BBS9: variants seen among roughly 807,000 people sequenced by gnomAD.
BBS9 encodes protein PTHB1.
BBS9 carries 89 observed loss-of-function variants against 117.7 expected under a neutral mutation model. The ratio of observed to expected loss-of-function variants is 0.76; its 90% confidence interval spans 0.64 to 0.90. BBS9 has a LOEUF of 0.90. BBS9 is among the 40% of genes least tolerant of loss of function. The pLI is 0.00. For missense variants in BBS9, 982 were observed against 1,042.2 expected (o/e 0.94, Z 0.80); for synonymous variants, 379 against 370.9 (o/e 1.02, Z -0.25).
chr7:33,631,367 T>C (rs994130612), intron 21 of BBS9, among the ~76,000 whole-genome samples: 1 of 152,166 alleles, frequency 6.6e-6, no homozygotes, highest in African/African-American at 2.4e-5. Flanking sequence ...CCCTCAAGGC[T>C]CAGCTCTAGT....
chr7:33,398,958 G>A (rs529804527), intron 19 of BBS9, among the ~76,000 whole-genome samples: 6 of 152,270 alleles, frequency 3.9e-5, no homozygotes, highest in South Asian at 2.1e-4. Flanking sequence ...GATTACAGGC[G>A]TGAGCCACTG....
At chr7:33,228,061 C>T (rs1791632312) in intron 5 of BBS9, among the ~76,000 whole-genome samples, 1 of 152,248 alleles carries the variant, frequency 6.6e-6, no homozygotes, top group African/African-American at 2.4e-5. Flanking sequence ...ATACTGTTTT[C>T]CATAGTGGTT....
At chr7:33,531,890 C>T (rs191989223) in intron 20 of BBS9, among the ~76,000 whole-genome samples, 7 of 152,350 alleles carry the variant, frequency 4.6e-5, no homozygotes, top group Admixed American at 2.0e-4. Context: ...AAAACCCCCA[C>T]GAGACTAGAC....
downstream of BBS9, among the ~76,000 whole-genome samples, chr7:33,610,432 C>T (rs573389182): frequency 1.1e-4 from 17 of 152,224 alleles, no homozygotes; most frequent in African/African-American, 4.1e-4. Context: ...GTCCAACTCC[C>T]ACTTCCAAGA....
intron 21 of BBS9, among the ~76,000 whole-genome samples, chr7:33,577,375 T>G (rs1274658231): frequency 1.3e-5 from 2 of 152,206 alleles, no homozygotes; most frequent in Non-Finnish European, 2.9e-5. Context: ...CCAGTTAGAA[T>G]GGCGATCGTT....
At chr7:33,188,080 A>ATGTGTGTGTGTGTGTG (rs145485929) in intron 5 of BBS9, among the ~76,000 whole-genome samples, 4,274 of 72,760 alleles carry the variant, frequency 0.059, 321 homozygotes, top group Middle Eastern at 0.071. Context: ...AGTTGAGTGA[A>ATGTGTGTGTGTGTGTG]TGTGTGTGTG....
At chr7:33,203,662 C>T (rs73097203) in intron 5 of BBS9, among the ~76,000 whole-genome samples, 13,565 of 152,078 alleles carry the variant, frequency 0.089, 785 homozygotes, top group Non-Finnish European at 0.13. Context: ...TTGCATGTAA[C>T]AAGTATTAGA....
chr7:33,400,211 T>G (rs533969321), intron 19 of BBS9, among the ~76,000 whole-genome samples: 1 of 139,480 alleles, frequency 7.2e-6, no homozygotes, highest in Non-Finnish European at 1.6e-5. Flanking sequence ...TAAAATTTTG[T>G]TCTGTTTGTT....
intron 9 of BBS9, among the ~76,000 whole-genome samples, chr7:33,291,264 T>C (rs1257475617): frequency 2.0e-5 from 3 of 152,176 alleles, no homozygotes; most frequent in East Asian, 3.8e-4. Context: ...CTCTTTTTTA[T>C]TTCTTTATTC....
chr7:33,510,612 C>T (rs893875171), intron 20 of BBS9, among the ~76,000 whole-genome samples: 32 of 152,148 alleles, frequency 2.1e-4, no homozygotes, highest in Non-Finnish European at 3.8e-4. Context: ...TGTGGATTTA[C>T]TTTAACATTG....
At chr7:33,395,661 G>A (rs1273865006) in intron 19 of BBS9, among the ~76,000 whole-genome samples, 2 of 152,128 alleles carry the variant, frequency 1.3e-5, no homozygotes, top group Non-Finnish European at 2.9e-5. Flanking sequence ...TAGAGATCCT[G>A]TGGTTTGGAG....
intron 19 of BBS9, among the ~76,000 whole-genome samples, chr7:33,399,514 A>T (rs1208151661): frequency 6.6e-6 from 1 of 152,126 alleles, no homozygotes; most frequent in African/African-American, 2.4e-5. Flanking sequence ...CTTCACTTTA[A>T]TCTGTGGACC....
chr7:33,469,140 A>G (rs1001792294), intron 19 of BBS9, among the ~76,000 whole-genome samples: 1 of 146,684 alleles, frequency 6.8e-6, no homozygotes, highest in Non-Finnish European at 1.5e-5. Context: ...CCCATTCAGT[A>G]TATTGGTCGA....
rs1847088974 is a variant in BBS9 at position 33,512,362 on chromosome 7, A to G, written c.2298+6717A>G. On this transcript the variant is annotated intron_variant, in intron 20 of 22. Transcript: ENST00000242067. The stretch of plus-strand genomic sequence containing the variant: ...AAACTTTCTTTACATCAAATATTGA[A>G]TGGTGCTTTAATGGACACATTTGGT... 2.0e-5 allele frequency among the ~76,000 whole-genome samples: 3 copies of G among 152,328 alleles called. 1 individual carries two copies. Among genetic ancestry groups the G allele is most frequent in the Non-Finnish European group, 4.4e-5 (3 of 68,026 alleles).
intron 9 of BBS9, among the ~76,000 whole-genome samples, chr7:33,305,981 A>G (rs1807843318): frequency 6.6e-6 from 1 of 151,998 alleles, no homozygotes; most frequent in Admixed American, 6.5e-5. Flanking sequence ...GTAGTTCTTT[A>G]AAATGCGTTG....
At chr7:33,576,380 C>G (rs1858865929) in intron 21 of BBS9, among the ~76,000 whole-genome samples, 1 of 152,110 alleles carries the variant, frequency 6.6e-6, no homozygotes. Context: ...GGGAGAACTA[C>G]AAACCACTGC....
intron 21 of BBS9, among the ~76,000 whole-genome samples, chr7:33,546,682 A>G (rs2129082112): frequency 6.6e-6 from 1 of 152,304 alleles, no homozygotes; most frequent in East Asian, 1.9e-4. Flanking sequence ...ATGCTTTTAA[A>G]GAGTTCCCTT....
chr7:33,447,120 T>A (rs1041651397), intron 19 of BBS9, among the ~76,000 whole-genome samples: 3 of 152,238 alleles, frequency 2.0e-5, no homozygotes, highest in Non-Finnish European at 2.9e-5. Context: ...TTACACATTA[T>A]CATGGAGGAA....
intron 5 of BBS9, among the ~76,000 whole-genome samples, chr7:33,191,152 G>A (rs1161664562): frequency 6.6e-6 from 1 of 152,128 alleles, no homozygotes; most frequent in Non-Finnish European, 1.5e-5. Flanking sequence ...AAGCAGGACT[G>A]GGGAGGGCAG....
Sources: allele counts gnomAD v4.1 joint callset (sites outside exome capture counted in the v4.1 genomes callset), GRCh38; gene constraint gnomAD v4.1.1; transcripts MANE v1.5; gene names NCBI Gene and HGNC (gene_info 2026-07-23, HGNC 2026-07-21).